CAPN1: variants seen among roughly 807,000 people sequenced by gnomAD.
The protein encoded by CAPN1 is calpain 1, also known as calpain-1 catalytic subunit.
Under a neutral mutation model 105.2 loss-of-function variants are expected in CAPN1, and 77 were observed. The observed-to-expected ratio is 0.73, with a 90% confidence interval of 0.61 to 0.88. The LOEUF is 0.88. CAPN1 is among the 40% of genes least tolerant of loss of function. The probability of loss-of-function intolerance (pLI) is 0.00; values close to 1 mark genes in which losing one functional copy is unlikely to be tolerated. For missense variants in CAPN1, 833 were observed against 976.6 expected (o/e 0.85, Z 1.96); for synonymous variants, 355 against 388.8 (o/e 0.91, Z 1.02).
intron 10 of CAPN1, among the ~76,000 whole-genome samples, chr11:65,199,895 T>A (rs79607799): frequency 6.6e-6 from 1 of 152,308 alleles, no homozygotes; most frequent in East Asian, 1.9e-4. Context: ...TCAGTTTTTG[T>A]CCACTGTGGC....
intron 10 of CAPN1, among the ~76,000 whole-genome samples, chr11:65,202,049 T>C (rs1188479969): frequency 6.6e-6 from 1 of 151,546 alleles, no homozygotes; most frequent in Non-Finnish European, 1.5e-5. Context: ...GGTCTCAAAC[T>C]CCTGACCTCA....
intron 10 of CAPN1, among the ~76,000 whole-genome samples, chr11:65,189,643 T>C (rs927597013): frequency 6.6e-6 from 1 of 152,216 alleles, no homozygotes; most frequent in African/African-American, 2.4e-5. Context: ...ATTTTAATCT[T>C]GTTCCTACAA....
rs1948681134 is a variant in CAPN1, at chr11:65,188,864, T to G, written c.1165+118T>G. ...AAGATATAGGCTGATCTCTTGAATT[T>G]GCTTTGAGGAGTAAAATATTAAATG... is the stretch of plus-strand genomic sequence containing the variant. On this transcript the variant is annotated intron_variant, in intron 10 of 21. Coordinates refer to ENST00000279247, the MANE Select transcript of CAPN1 (RefSeq NM_005186.4). The surrounding 1 kb of genome is among the most constrained non-coding windows in gnomAD (Gnocchi z 5.5). 1 of 851,038 alleles carries G rather than the reference T, an allele frequency of 1.2e-6. No individual in the cohort carries two copies. Among genetic ancestry groups the G allele is most frequent in the Admixed American group, 2.8e-5 (1 of 35,888 alleles). 52.7% of individuals were successfully genotyped at this position (851,038 alleles called of 1,614,324 possible). A position where few individuals can be genotyped will look rare whatever the true frequency, so the allele number is the denominator to read the frequency against.
intron 12 of CAPN1, 90 bp from the exon 13 acceptor site, chr11:65,206,373 A>G: frequency 1.0e-6 from 1 of 993,866 alleles, no homozygotes; most frequent in Middle Eastern, 2.3e-4. Flanking sequence ...CTTGGCCAGG[A>G]CAAGGAGCCT....
chr11:65,196,212 T>G (rs1274266944), intron 10 of CAPN1, among the ~76,000 whole-genome samples: 1 of 152,000 alleles, frequency 6.6e-6, no homozygotes, highest in Non-Finnish European at 1.5e-5. Flanking sequence ...TATTCTCTAT[T>G]TCATGTATTT....
intron 14 of CAPN1, among the ~76,000 whole-genome samples, chr11:65,207,036 C>T (rs1418954572): frequency 1.3e-5 from 2 of 152,174 alleles, no homozygotes; most frequent in East Asian, 1.9e-4. Flanking sequence ...AGCTCTCACC[C>T]GGTGGCGGGT....
In CAPN1 at chr11:65,204,783, C is replaced by T. The variant is rs1241320381; in HGVS notation, c.1266C>T (p.Ala422=). Residue 422 remains alanine, a synonymous_variant, in exon 11 of 22, where the codon GCC becomes GCT. Coordinates refer to ENST00000279247, the MANE Select transcript of CAPN1 (RefSeq NM_005186.4). The part of the protein sequence containing the change: ...DRESGCSFVL[A]LMQKHRRRER... Reference sequence around the variant, plus strand: ...AGTCAGGCTGCAGCTTCGTGCTCGCCCTTATGCAGAAGCACCGTCGCCGCG... The same window carrying T: ...AGTCAGGCTGCAGCTTCGTGCTCGCTCTTATGCAGAAGCACCGTCGCCGCG... 6.2e-7 allele frequency: 1 copy of T among 1,613,050 alleles called. No individual in the cohort carries two copies. Among genetic ancestry groups the T allele is most frequent in the South Asian group, 1.1e-5 (1 of 91,088 alleles).
intron 3 of CAPN1, 38 bp from the exon 4 acceptor site, chr11:65,183,436 T>C (rs1948578759): frequency 6.8e-7 from 1 of 1,477,456 alleles, no homozygotes; most frequent in South Asian, 1.1e-5. Context: ...CCGGGGCAGG[T>C]TGGTAGAGCA....
At position 65,210,830 on chromosome 11, in the gene CAPN1, G is replaced by A. The variant is rs759051568; in HGVS notation, c.2076G>A (p.Leu692=). The part of the protein sequence containing the change: ...LETMFRFFKT[L]DTDLDGVVTF... ...AACACACAGGATTTTTCAAAACTCT[G>A]GACACAGATCTGGATGGAGTTGTGA... The change falls in exon 21 of 22, where the codon CTG becomes CTA. Residue 692 remains leucine (L), a synonymous_variant. Coordinates refer to ENST00000279247, the MANE Select transcript of CAPN1 (RefSeq NM_005186.4). This position sits in a 1 kb window ranked among gnomAD's most constrained non-coding sequence, Gnocchi z 4.3. 1.2e-6 allele frequency: 2 copies of A among 1,613,592 alleles called. No individual in the cohort carries two copies. Among genetic ancestry groups the A allele is most frequent in the Non-Finnish European group, 1.7e-6 (2 of 1,179,730 alleles).
rs752735279 is a variant in CAPN1, at chr11:65,188,724, G to C, written c.1143G>C (p.Ala381=). The stretch of plus-strand genomic sequence containing the variant: ...GCACCTGGCGGCGGGGGAGCACCGC[G>C]GGGGGCTGCCGAAACTACCCAGGTG... ...YEGTWRRGST[A]GGCRNYPATF... is the part of the protein sequence containing the mutation. Residue 381 remains alanine, a synonymous_variant, in exon 10 of 22, where the codon GCG becomes GCC. Transcript: ENST00000279247. The surrounding 1 kb of genome is among the most constrained non-coding windows in gnomAD (Gnocchi z 5.5). 2 of 1,582,994 alleles carry C rather than the reference G, an allele frequency of 1.3e-6. No individual in the cohort carries two copies. Among genetic ancestry groups the C allele is most frequent in the Non-Finnish European group, 1.7e-6 (2 of 1,165,002 alleles).
intron 6 of CAPN1, 81 bp from the exon 7 acceptor site, chr11:65,187,134 C>T: frequency 1.9e-6 from 2 of 1,041,818 alleles, no homozygotes; most frequent in Non-Finnish European, 2.9e-6. Flanking sequence ...GTGGGAACGT[C>T]CAAGACCCTG....
intron 5 of CAPN1, 53 bp from the exon 6 acceptor site, chr11:65,186,117 C>A (rs916863880): frequency 7.5e-6 from 12 of 1,606,774 alleles, no homozygotes; most frequent in Non-Finnish European, 8.5e-6. Context: ...TCATGACTGT[C>A]TTCTCAGAGG....
At position 65,210,500 on chromosome 11, in the gene CAPN1, G is replaced by A. The variant is rs769805127; in HGVS notation, c.2059+48G>A. The A allele has an allele frequency of 2.6e-5, 30 of 1,136,960 alleles. No individual in the cohort carries two copies. The highest frequency in any genetic ancestry group is 1.9e-4 in the Middle Eastern group (1 of 5,228). 70.4% of individuals were successfully genotyped at this position (1,136,960 alleles called of 1,614,324 possible). On this transcript the variant is annotated intron_variant, in intron 20 of 21. Coordinates refer to ENST00000279247, the MANE Select transcript of CAPN1 (RefSeq NM_005186.4). The surrounding 1 kb of genome is among the most constrained non-coding windows in gnomAD (Gnocchi z 4.3). The stretch of plus-strand genomic sequence containing the variant: ...CACCCTCCAGCTCCGTCCCAAACGC[G>A]TCCCCCAGGAGCTGGGGGGAATGAC...
In CAPN1 at chr11:65,182,736, C is replaced by T; in HGVS notation, c.35C>T (p.Thr12Ile). 2.5e-6 allele frequency: 4 copies of T among 1,582,454 alleles called. No homozygotes were observed. Among genetic ancestry groups the T allele is most frequent in the Non-Finnish European group, 3.4e-6 (4 of 1,164,686 alleles). ...SEEIITPVYC[T>I]GVSAQVQKQR... is the part of the protein sequence containing the mutation. Reference sequence around the variant, plus strand: ...GAGATCATCACGCCGGTGTACTGCACTGGGGTGTCAGCCCAAGTGCAGAAG... The same window carrying T: ...GAGATCATCACGCCGGTGTACTGCATTGGGGTGTCAGCCCAAGTGCAGAAG... Residue 12 changes from threonine (T) to isoleucine (I), a missense_variant, in exon 2 of 22, where the codon ACT becomes ATT. By Grantham distance (89) the Thr-to-Ile change is moderately conservative (BLOSUM62 -1). Coordinates refer to ENST00000279247, the MANE Select transcript of CAPN1 (RefSeq NM_005186.4).
intron 21 of CAPN1, 146 bp from the exon 22 acceptor site, chr11:65,211,114 T>C: frequency 2.2e-6 from 2 of 904,964 alleles, no homozygotes; most frequent in South Asian, 2.9e-5. Context: ...TTCCCAGGGG[T>C]GGAGGAGGTA....
Position 65,210,260 on chromosome 11 carries a change from TG to T in CAPN1, c.1943-72del, listed in dbSNP as rs2137401965. The T allele has an allele frequency of 1.6e-6, 2 of 1,226,874 alleles. No homozygotes were observed. The highest frequency in any genetic ancestry group is 1.3e-5 in the South Asian group (1 of 79,844). 76.0% of individuals were successfully genotyped at this position (1,226,874 alleles called of 1,614,324 possible). A position where few individuals can be genotyped will look rare whatever the true frequency, so the allele number is the denominator to read the frequency against. ...ACCCTGCCTAGCCCCAGCCCCCTCC[TG>T]GGGACCCAACCCCTCCCCCATCCTG... On this transcript the variant is annotated intron_variant, in intron 19 of 21. Transcript: ENST00000279247. The surrounding 1 kb of genome is among the most constrained non-coding windows in gnomAD (Gnocchi z 4.3).
chr11:65,200,699 G>GGTGC (rs1476462000), intron 10 of CAPN1, among the ~76,000 whole-genome samples: 1 of 151,948 alleles, frequency 6.6e-6, no homozygotes, highest in Admixed American at 6.6e-5. Flanking sequence ...GGAGTGCAGT[G>GGTGC]GTGCAATCAT....
chr11:65,211,139 C>T (rs968075415), intron 21 of CAPN1, 121 bp from the exon 22 acceptor site: 247 of 1,131,118 alleles, frequency 2.2e-4, no homozygotes, highest in Non-Finnish European at 3.1e-4. Flanking sequence ...AGTAACCCCT[C>T]CATGAGGTTC....
At chr11:65,201,618 T>C (rs1214337106) in intron 10 of CAPN1, among the ~76,000 whole-genome samples, 4 of 147,580 alleles carry the variant, frequency 2.7e-5, no homozygotes, top group Non-Finnish European at 6.0e-5. Context: ...CCCAGGTTCA[T>C]GCCATTCTCC....
Sources: allele counts gnomAD v4.1 joint callset (sites outside exome capture counted in the v4.1 genomes callset), GRCh38; gene constraint gnomAD v4.1.1; non-coding constraint Gnocchi (gnomAD v3.1); transcripts MANE v1.5; gene names NCBI Gene and HGNC (gene_info 2026-07-23, HGNC 2026-07-21).